Variants in HIP1 observed in about 807,000 individuals in gnomAD.
HIP1 encodes huntingtin-interacting protein 1.
A neutral mutation model predicts 147.6 loss-of-function variants in HIP1; 65 were observed. The ratio of observed to expected loss-of-function variants is 0.44; its 90% confidence interval spans 0.36 to 0.54. The LOEUF is 0.54. Among genes scored for constraint, HIP1 ranks in the 20% least tolerant of loss-of-function variants. The probability of loss-of-function intolerance (pLI) is 0.00; values close to 1 mark genes in which losing one functional copy is unlikely to be tolerated. For synonymous variants in HIP1, 479 were observed against 504.0 expected (o/e 0.95, Z 0.67); for missense variants, 1,061 against 1,299.6 (o/e 0.82, Z 2.82).
intron 1 of HIP1, among the ~76,000 whole-genome samples, chr7:75,663,995 C>T (rs868927225): frequency 1.2e-3 from 29 of 24,672 alleles, no homozygotes; most frequent in Admixed American, 2.1e-3. Flanking sequence ...TATATATATA[C>T]ACATATATGT....
At chr7:75,608,045 G>A (rs782590009) in intron 1 of HIP1, among the ~76,000 whole-genome samples, 17 of 152,294 alleles carry the variant, frequency 1.1e-4, no homozygotes, top group Non-Finnish European at 2.1e-4. Flanking sequence ...CATGGCTCAC[G>A]CCTGTAATCC....
chr7:75,670,340 A>G (rs1305118010), intron 1 of HIP1, among the ~76,000 whole-genome samples: 2 of 149,750 alleles, frequency 1.3e-5, no homozygotes, highest in African/African-American at 4.9e-5. Context: ...TATTTTTTCT[A>G]GGGATGGGGT....
intron 1 of HIP1, among the ~76,000 whole-genome samples, chr7:75,706,588 G>A (rs1029003155): frequency 6.3e-5 from 9 of 142,148 alleles, no homozygotes; most frequent in Admixed American, 2.1e-4. Context: ...AGGTATACAC[G>A]TGCCATGTTG....
At chr7:75,701,905 G>A (rs782375349) in intron 1 of HIP1, among the ~76,000 whole-genome samples, 5 of 151,814 alleles carry the variant, frequency 3.3e-5, no homozygotes, top group Non-Finnish European at 7.4e-5. Context: ...AGGTATGGCT[G>A]TCCTCACTTT....
chr7:75,581,554 G>A (rs912285467), intron 6 of HIP1, among the ~76,000 whole-genome samples: 3 of 152,192 alleles, frequency 2.0e-5, no homozygotes, highest in Non-Finnish European at 2.9e-5. Flanking sequence ...CGAGGTGGGC[G>A]GATCACCTGA....
chr7:75,688,520 C>T (rs1027567381), intron 1 of HIP1, among the ~76,000 whole-genome samples: 5 of 152,076 alleles, frequency 3.3e-5, no homozygotes, highest in African/African-American at 4.8e-5. Context: ...GACAGGAAGC[C>T]GCACTAAGGG....
At chr7:75,732,655 AT>A in intron 1 of HIP1, among the ~76,000 whole-genome samples, 1 of 152,186 alleles carries the variant, frequency 6.6e-6, no homozygotes, top group East Asian at 1.9e-4. Context: ...TGCTGGGATG[AT>A]AAACATGAGC....
At chr7:75,697,613 G>T (rs1374254537) in intron 1 of HIP1, among the ~76,000 whole-genome samples, 1 of 152,166 alleles carries the variant, frequency 6.6e-6, no homozygotes, top group Admixed American at 6.6e-5. Flanking sequence ...AGGAGTTCGA[G>T]ATCAGCCTGG....
intron 1 of HIP1, among the ~76,000 whole-genome samples, chr7:75,642,055 C>CT (rs1322981957): frequency 2.0e-5 from 3 of 152,102 alleles, no homozygotes; most frequent in Non-Finnish European, 2.9e-5. Flanking sequence ...ATCCTATACA[C>CT]ATCTAATTGT....
intron 1 of HIP1, among the ~76,000 whole-genome samples, chr7:75,735,394 G>A (rs187014073): frequency 5.9e-4 from 90 of 152,252 alleles, no homozygotes; most frequent in Middle Eastern, 3.4e-3. Context: ...CACCTCATCC[G>A]TTCTTGTCAA....
chr7:75,641,839 C>T (rs1554510550), intron 1 of HIP1, among the ~76,000 whole-genome samples: 2 of 152,166 alleles, frequency 1.3e-5, no homozygotes, highest in Non-Finnish European at 2.9e-5. Context: ...ATGGTTCTAC[C>T]TCCACTGAGC....
intron 1 of HIP1, among the ~76,000 whole-genome samples, chr7:75,603,637 C>G (rs913726979): frequency 2.6e-5 from 4 of 152,026 alleles, no homozygotes; most frequent in African/African-American, 9.7e-5. Flanking sequence ...CTTTGGGAAG[C>G]TGAGGTGGGA....
chr7:75,637,978 C>CA (rs1563261662), intron 1 of HIP1, among the ~76,000 whole-genome samples: 221 of 2,824 alleles, frequency 0.078, 1 homozygote, highest in Non-Finnish European at 0.14. Context: ...CAGACCCAGA[C>CA]CCCCCCCCCC....
At position 75,606,700 on chromosome 7, in the gene HIP1, G is replaced by A. The variant is rs587752336; in HGVS notation, c.121-7453C>T. 9.2e-5 allele frequency among the ~76,000 whole-genome samples: 14 copies of A among 152,250 alleles called. No individual in the cohort carries two copies. The South Asian group carries it at 1.9e-3, about 20-fold the overall frequency. ...GGAACAATGAACAATGAGGCCAGGC[G>A]GCTCTTGGGTAAGAAATAGCCATTT... On this transcript the variant is annotated intron_variant, in intron 1 of 30. Transcript: ENST00000336926.
At position 75,553,552 on chromosome 7, in the gene HIP1, G is replaced by A. The variant is rs908794233; in HGVS notation, c.2196C>T (p.Thr732=). The A allele has an allele frequency of 6.2e-7, 1 of 1,614,084 alleles. No individual in the cohort carries two copies. The highest frequency in any genetic ancestry group is 8.5e-7 in the Non-Finnish European group (1 of 1,179,998). The change falls in exon 22 of 31, where the codon ACC becomes ACT. Residue 732 remains threonine (T), a synonymous_variant. Transcript: ENST00000336926. The stretch of plus-strand genomic sequence containing the variant: ...CCTCCAGGGAGGCCAGGTAGGCGAG[G>A]GTTTCCCTGCCATACTGCTTACAGG... The part of the protein sequence containing the change: ...TEACKQYGRE[T]LAYLASLEEE...
intron 4 of HIP1, among the ~76,000 whole-genome samples, chr7:75,588,262 A>AT: frequency 6.6e-6 from 1 of 152,224 alleles, no homozygotes. Flanking sequence ...TTCTCCACAG[A>AT]TAAAATTCCA....
intron 22 of HIP1, among the ~76,000 whole-genome samples, chr7:75,551,188 A>ATTTTTTTT (rs1794768444): frequency 2.2e-5 from 1 of 45,790 alleles, no homozygotes; most frequent in Non-Finnish European, 4.3e-5. Context: ...TGTAGATGAT[A>ATTTTTTTT]ATTTTTTTTT....
chr7:75,582,221 G>A, intron 5 of HIP1, 70 bp from the exon 6 acceptor site: 1 of 1,215,262 alleles, frequency 8.2e-7, no homozygotes, highest in Non-Finnish European at 1.2e-6. Context: ...CGGGCGTGGT[G>A]GCACACGCCT....
chr7:75,575,329 G>A (rs898117311), intron 7 of HIP1, among the ~76,000 whole-genome samples: 6 of 148,550 alleles, frequency 4.0e-5, no homozygotes, highest in Non-Finnish European at 6.0e-5. Context: ...GTGTGGTGGC[G>A]TGTGCCTGTA....
Sources: gnomAD v4.1 joint callset for allele counts (sites outside exome capture counted in the v4.1 genomes callset) on GRCh38, gnomAD v4.1.1 for gene constraint, MANE v1.5 for transcripts, NCBI Gene and HGNC (gene_info 2026-07-23, HGNC 2026-07-21) for gene names.